PCDHA7: variants seen among roughly 807,000 people sequenced by gnomAD.
The protein encoded by PCDHA7 is protocadherin alpha 7, also known as protocadherin alpha-7.
PCDHA7 carries 37 observed loss-of-function variants against 57.2 expected under a neutral mutation model. The observed-to-expected ratio is 0.65, with a 90% CI of 0.50 to 0.85. The LOEUF is 0.85. PCDHA7 is among the 40% of genes least tolerant of loss of function. The pLI is 0.00. For missense variants in PCDHA7, 1,188 were observed against 1,241.8 expected (o/e 0.96, Z 0.65); for synonymous variants, 553 against 558.8 (o/e 0.99, Z 0.15).
chr5:140,853,643 T>C, intron 1 of PCDHA7: 2 of 988,768 alleles, frequency 2.0e-6, no homozygotes, highest in Non-Finnish European at 2.4e-6. Flanking sequence ...AGACCTAAAT[T>C]GAGCCTGTTC....
chr5:140,982,035 A>G (rs950479755), intron 2 of PCDHA7, among the ~76,000 whole-genome samples: 2 of 152,280 alleles, frequency 1.3e-5, no homozygotes, highest in Admixed American at 1.3e-4. Context: ...CAATACTCCA[A>G]TTATCAGAAA....
intron 3 of PCDHA7, among the ~76,000 whole-genome samples, chr5:140,990,782 C>T (rs1460964532): frequency 2.0e-5 from 3 of 152,120 alleles, no homozygotes; most frequent in Non-Finnish European, 1.5e-5. Context: ...CTGTGTTGGA[C>T]GATGAACCAT....
intron 3 of PCDHA7, among the ~76,000 whole-genome samples, chr5:140,989,918 G>A (rs1554251173): frequency 6.6e-6 from 1 of 151,960 alleles, no homozygotes; most frequent in East Asian, 1.9e-4. Flanking sequence ...AAGAGGGAGA[G>A]CAGAGATAGA....
At chr5:140,897,758 C>T (rs2066305789) in intron 1 of PCDHA7, among the ~76,000 whole-genome samples, 3 of 152,140 alleles carry the variant, frequency 2.0e-5, no homozygotes, top group Non-Finnish European at 4.4e-5. Context: ...CCTGAGGAAT[C>T]GCCACACTGA....
chr5:140,870,028 T>A, intron 1 of PCDHA7: 1 of 1,613,550 alleles, frequency 6.2e-7, no homozygotes, highest in Non-Finnish European at 8.5e-7. Flanking sequence ...AACTTTAGAT[T>A]ATGAAGAAAA....
intron 1 of PCDHA7, among the ~76,000 whole-genome samples, chr5:140,889,326 G>A (rs2062188363): frequency 6.6e-6 from 1 of 151,922 alleles, no homozygotes; most frequent in African/African-American, 2.4e-5. Flanking sequence ...TCTGTATCAG[G>A]ATTTTGATTG....
chr5:140,966,410 A>G lies in PCDHA7; in HGVS notation c.2356-12539A>G, dbSNP rs530944149. The G allele has an allele frequency of 1.9e-3, 807 of 419,248 alleles. 2 individuals carry two copies. Among genetic ancestry groups the G allele is most frequent in the South Asian group, 7.3e-3 (70 of 9,536 alleles). The allele number at this position is 419,248 out of a possible 1,614,324, so 26.0% of individuals were successfully genotyped here. The stretch of plus-strand genomic sequence containing the variant: ...GTCCGCCACTTCGGCGCGGAATCAG[A>G]GCAGGACTTGCTGAGCCCTCCTACC... On this transcript the variant is annotated intron_variant, in intron 1 of 3. Coordinates refer to ENST00000525929, the MANE Select transcript of PCDHA7 (RefSeq NM_018910.3).
At chr5:140,912,939 T>C (rs1372074826) in intron 1 of PCDHA7, among the ~76,000 whole-genome samples, 1 of 152,230 alleles carries the variant, frequency 6.6e-6, no homozygotes, top group Middle Eastern at 3.2e-3. Context: ...CATCCTTGTA[T>C]CCCTGGGATA....
intron 1 of PCDHA7, among the ~76,000 whole-genome samples, chr5:140,893,662 A>C (rs1462433571): frequency 6.6e-6 from 1 of 152,204 alleles, no homozygotes; most frequent in Non-Finnish European, 1.5e-5. Flanking sequence ...GTTTTAAAAA[A>C]TTTCAGCACT....
chr5:140,869,766 G>T, intron 1 of PCDHA7: 1 of 1,613,210 alleles, frequency 6.2e-7, no homozygotes, highest in Non-Finnish European at 8.5e-7. Context: ...GAAAACCAGA[G>T]CTTACTGGCA....
At chr5:140,875,262 C>T (rs2055382922) in intron 1 of PCDHA7, 1 of 1,157,372 alleles carries the variant, frequency 8.6e-7, no homozygotes, top group Admixed American at 3.0e-5. Flanking sequence ...CATGATGTCG[C>T]TCTACACTCA....
chr5:140,905,162 G>A (rs2071641359), intron 1 of PCDHA7, among the ~76,000 whole-genome samples: 1 of 152,118 alleles, frequency 6.6e-6, no homozygotes, highest in African/African-American at 2.4e-5. Flanking sequence ...GAATTTTCAT[G>A]GTTTCAGGTT....
intron 1 of PCDHA7, chr5:140,851,142 C>T: frequency 7.6e-7 from 1 of 1,309,246 alleles, no homozygotes; most frequent in Non-Finnish European, 9.9e-7. Flanking sequence ...ATTAAAGTGA[C>T]ATTGAATTTC....
chr5:140,930,012 A>G (rs1369011586), intron 1 of PCDHA7: 1 of 152,208 alleles, frequency 6.6e-6, no homozygotes, highest in Non-Finnish European at 1.5e-5. Context: ...CATAGCTGAT[A>G]GCTCCATAGC....
In PCDHA7 at chr5:140,979,008, G is replaced by T; in HGVS notation, c.2414+1G>T. 1 of 1,613,990 alleles carries T rather than the reference G, an allele frequency of 6.2e-7. No individual in the cohort carries two copies. The highest frequency in any genetic ancestry group is 1.3e-5 in the African/African-American group (1 of 75,044). ...CCTCCCTGAGAGCAGGCATGCACAG[G>T]TATGTATTTCCCTCCTCATTCACTC... On this transcript the variant is annotated splice_donor_variant, in intron 2 of 3. Transcript: ENST00000525929. LOFTEE classifies it high-confidence loss of function.
intron 1 of PCDHA7, chr5:140,883,942 G>A (rs1223058684): frequency 1.9e-6 from 3 of 1,613,328 alleles, no homozygotes; most frequent in African/African-American, 2.7e-5. Context: ...TGCTGGACGA[G>A]AACGACAACG....
chr5:140,991,837 C>T (rs1379982421), intron 3 of PCDHA7, among the ~76,000 whole-genome samples: 3 of 152,158 alleles, frequency 2.0e-5, no homozygotes, highest in African/African-American at 7.2e-5. Context: ...ACGGCAGAAC[C>T]GCACTTCCAG....
At chr5:140,868,536 T>C (rs2050515063) in intron 1 of PCDHA7, 1 of 152,638 alleles carries the variant, frequency 6.6e-6, no homozygotes, top group Non-Finnish European at 1.5e-5. Flanking sequence ...AGTAAAACAA[T>C]TCAAATTTGA....
chr5:140,864,619 T>A (rs895390232), intron 1 of PCDHA7: 2 of 152,222 alleles, frequency 1.3e-5, no homozygotes, highest in African/African-American at 4.8e-5. Flanking sequence ...TGTTCTTTTT[T>A]AAAAAGAAAA....
Sources: allele counts gnomAD v4.1 joint callset (sites outside exome capture counted in the v4.1 genomes callset), GRCh38; gene constraint gnomAD v4.1.1; transcripts MANE v1.5; gene names NCBI Gene and HGNC (gene_info 2026-07-23, HGNC 2026-07-21).